The following TRMT2A variants were observed in gnomAD, a reference collection of about 807,000 sequenced individuals.
TRMT2A encodes tRNA (uracil-5-)-methyltransferase homolog A.
TRMT2A carries 60 observed loss-of-function variants against 59.3 expected under a neutral mutation model. That is an observed-to-expected ratio of 1.01 (90% CI 0.82 to 1.26). TRMT2A has a LOEUF of 1.26. TRMT2A is among the 50% of genes most tolerant of loss of function. The pLI, the probability that TRMT2A is intolerant of heterozygous loss-of-function variation, is 0.00. For missense variants in TRMT2A, 863 were observed against 845.2 expected (o/e 1.02, Z -0.26); for synonymous variants, 403 against 353.7 (o/e 1.14, Z -1.56).
intron 9 of TRMT2A, 48 bp downstream of exon 9, chr22:20,113,384 G>A (rs774458629): frequency 2.5e-5 from 39 of 1,575,616 alleles, no homozygotes; most frequent in Middle Eastern, 1.7e-4. Flanking sequence ...TGCAGCAGGG[G>A]TGGCGGCTGC....
intron 2 of TRMT2A, 77 bp from the exon 3 acceptor site, chr22:20,115,857 G>A: frequency 6.8e-7 from 1 of 1,471,720 alleles, no homozygotes; most frequent in Non-Finnish European, 9.2e-7. Flanking sequence ...CAAATGTCCA[G>A]GCTCCTGACC....
In TRMT2A at chr22:20,113,437, T is replaced by C; in HGVS notation, c.1427A>G (p.Asp476Gly). ...CCCACGGCCTTGCCACTCACCATTG[T>C]CCTGGGCGTTCACCCGGGCGTCCTC... ...AVEDARVNAQ[D>G]NELSNVEFHC... Residue 476 changes from aspartate to glycine, a missense_variant, in exon 9 of 12, where the codon GAC (aspartate) becomes GGC (glycine). By Grantham distance (94) the Asp-to-Gly change is moderately conservative (BLOSUM62 -1). Transcript: ENST00000252136. 1 of 1,609,806 alleles carries C rather than the reference T, an allele frequency of 6.2e-7. No individual in the cohort carries two copies. The highest frequency in any genetic ancestry group is 8.5e-7 in the Non-Finnish European group (1 of 1,177,638).
Position 20,112,487 on chromosome 22 carries a change from G to C in TRMT2A, c.*76C>G. ...TGGCTGCCTACCTCTGAATATCCTG[G>C]CCAGCAAGCCATGCCTTCCCCGCCC... On this transcript the variant is annotated 3_prime_UTR_variant, in exon 12 of 12. Coordinates refer to ENST00000252136, the MANE Select transcript of TRMT2A (RefSeq NM_022727.6). The C allele has an allele frequency of 1.3e-6, 2 of 1,511,156 alleles. No individual in the cohort carries two copies. The highest frequency in any genetic ancestry group is 1.8e-6 in the Non-Finnish European group (2 of 1,123,912). 93.6% of individuals were successfully genotyped at this position (1,511,156 alleles called of 1,614,324 possible).
chr22:20,113,400 T>TGCCCCCCCCCCCCCCCCCCCCTGCC, intron 9 of TRMT2A, 32 bp downstream of exon 9: 1 of 1,049,436 alleles, frequency 9.5e-7, no homozygotes, highest in Non-Finnish European at 1.4e-6. Context: ...GCTGCCCCCA[T>TGCCCCCCCCCCCCCCCCCCCCTGCC]CCCCACCCCC....
rs9605066 is a variant in TRMT2A at position 20,112,131 on chromosome 22, C to T, written c.*432G>A. 0.13 allele frequency: 23,192 copies of T among 174,868 alleles called. 1,998 individuals carry two copies. Among genetic ancestry groups the T allele is most frequent in the Non-Finnish European group, 0.18 (14,904 of 82,660 alleles). The allele number at this position is 174,868 out of a possible 1,614,324, so 10.8% of individuals were successfully genotyped here. A position where few individuals can be genotyped will look rare whatever the true frequency, so the allele number is the denominator to read the frequency against. ...GGTGCAGTTCCCAGACCTCTCTCTG[C>T]CTCTCCTCAAGTTTAAGTATCAAAT... On this transcript the variant is annotated 3_prime_UTR_variant, in exon 12 of 12. Coordinates refer to ENST00000252136, the MANE Select transcript of TRMT2A (RefSeq NM_022727.6).
At chr22:20,116,777 C>T (rs2050038247) in intron 1 of TRMT2A, 106 bp downstream of exon 1, 2 of 1,466,290 alleles carry the variant, frequency 1.4e-6, no homozygotes, top group Non-Finnish European at 1.9e-6. Flanking sequence ...CTTTCCTCCC[C>T]TATCGCACCT....
At position 20,116,379 on chromosome 22, in the gene TRMT2A, G is replaced by A. The variant is rs755665864; in HGVS notation, c.258C>T (p.Phe86=). 1.2e-6 allele frequency: 2 copies of A among 1,612,186 alleles called. No homozygotes were observed. Among genetic ancestry groups the A allele is most frequent in the Non-Finnish European group, 1.7e-6 (2 of 1,179,274 alleles). ...GGCCCAGGAAGCGCCGGACGTCGCT[G>A]AAGCTGGCGTGGCGAGGCACGTTCT... The part of the protein sequence containing the change: ...ELQNVPRHAS[F]SDVRRFLGRF... Residue 86 remains phenylalanine (F), a synonymous_variant, in exon 2 of 12, where the codon TTC becomes TTT. Transcript: ENST00000252136.
At chr22:20,115,826 G>T in intron 2 of TRMT2A, 46 bp from the exon 3 acceptor site, 1 of 1,555,926 alleles carries the variant, frequency 6.4e-7, no homozygotes, top group South Asian at 1.2e-5. Flanking sequence ...TACTGCCCCC[G>T]ACCCATGCCA....
At position 20,116,568 on chromosome 22, in the gene TRMT2A, G is replaced by A. The variant is rs757744530; in HGVS notation, c.69C>T (p.Ala23=). 8 of 1,577,496 alleles carry A rather than the reference G, an allele frequency of 5.1e-6. No individual in the cohort carries two copies. The African/African-American group carries it at 9.5e-5, about 19-fold the overall frequency. ...MESCGQESSS[A]LSCPTVSVPP... is the part of the protein sequence containing the mutation. Reference sequence around the variant, plus strand: ...GCACCGAGACGGTAGGGCAGCTCAGGGCACTGCTGCTCTCCTGGCCACAGC... The same window carrying A: ...GCACCGAGACGGTAGGGCAGCTCAGAGCACTGCTGCTCTCCTGGCCACAGC... The change falls in exon 2 of 12, where the codon GCC becomes GCT. Residue 23 remains alanine, a synonymous_variant. Coordinates refer to ENST00000252136, the MANE Select transcript of TRMT2A (RefSeq NM_022727.6).
Position 20,116,255 on chromosome 22 carries a change from C to G in TRMT2A, c.382G>C (p.Val128Leu). ...CCTTTCCAGAGGGCACCATGCAAAA[C>G]GCGCAGGGCCTTGTCCCTCTCTGCA... ...SAAERDKALR[V>L]LHGALWKGRP... The change falls in exon 2 of 12, where the codon GTT becomes CTT. Residue 128 changes from valine to leucine, a missense_variant. Coordinates refer to ENST00000252136, the MANE Select transcript of TRMT2A (RefSeq NM_022727.6). 1 of 1,612,978 alleles carries G rather than the reference C, an allele frequency of 6.2e-7. No homozygotes were observed. The highest frequency in any genetic ancestry group is 8.5e-7 in the Non-Finnish European group (1 of 1,180,022).
At chr22:20,115,863 T>A in intron 2 of TRMT2A, 83 bp from the exon 3 acceptor site, 3 of 1,440,410 alleles carry the variant, frequency 2.1e-6, no homozygotes, top group Non-Finnish European at 2.8e-6. Flanking sequence ...TCCAGGCTCC[T>A]GACCCCTCCT....
chr22:20,116,812 C>A, intron 1 of TRMT2A, 71 bp downstream of exon 1: 1 of 1,472,582 alleles, frequency 6.8e-7, no homozygotes, highest in Non-Finnish European at 9.3e-7. Flanking sequence ...TATTCTCTGG[C>A]AGGTTTCCTG....
chr22:20,112,638 G>A lies in TRMT2A; in HGVS notation c.1803C>T (p.His601=). 2 of 1,614,094 alleles carry A rather than the reference G, an allele frequency of 1.2e-6. No homozygotes were observed. The highest frequency in any genetic ancestry group is 2.2e-5 in the South Asian group (2 of 91,088). The change falls in exon 12 of 12, where the codon CAC becomes CAT. Residue 601 remains histidine, a synonymous_variant. Transcript: ENST00000252136. ...HPNGTGVLGP[H]SPPAQPTPGP... Reference sequence around the variant, plus strand: ...CTGGTGTGGGTTGAGCTGGAGGGCTGTGGGGCCCCAAGACCCCTGTGCCAT... The same window carrying A: ...CTGGTGTGGGTTGAGCTGGAGGGCTATGGGGCCCCAAGACCCCTGTGCCAT...
chr22:20,116,533 G>T lies in TRMT2A; in HGVS notation c.104C>A (p.Ala35Asp). The stretch of plus-strand genomic sequence containing the variant: ...CTCCACCTCCTCCAGGGCTGCCGGG[G>T]CTGCAGGGGGCACCGAGACGGTAGG... Reference protein sequence around the residue: ...SCPTVSVPPAAPAALEEVEKE... With the variant: ...SCPTVSVPPADPAALEEVEKE... Residue 35 changes from alanine (A) to aspartate (D), a missense_variant, in exon 2 of 12, where the codon GCC becomes GAC. Coordinates refer to ENST00000252136, the MANE Select transcript of TRMT2A (RefSeq NM_022727.6). 6.2e-7 allele frequency: 1 copy of T among 1,603,702 alleles called. No individual in the cohort carries two copies.
chr22:20,113,073 T>A lies in TRMT2A; in HGVS notation c.1549+45A>T, dbSNP rs1633445. 13 of 1,611,212 alleles carry A rather than the reference T, an allele frequency of 8.1e-6. No individual in the cohort carries two copies. The South Asian group carries it at 9.9e-5, about 12-fold the overall frequency. On this transcript the variant is annotated intron_variant, in intron 10 of 11. Coordinates refer to ENST00000252136, the MANE Select transcript of TRMT2A (RefSeq NM_022727.6). ...GTGCATAACATGGTGAGCCACCCCA[T>A]GTGTCCTCGTTCCCGTGCCACCTCC...
rs758065244 is a variant in TRMT2A, at chr22:20,115,251, G to C, written c.890+15C>G. On this transcript the variant is annotated intron_variant, in intron 4 of 11. Transcript: ENST00000252136. ...CCGCATAGGACTTCCCGGGAGCCCC[G>C]TCACAGGTCCTCACCGGATGAACTC... The C allele has an allele frequency of 1.2e-6, 2 of 1,604,058 alleles. No individual in the cohort carries two copies. Among genetic ancestry groups the C allele is most frequent in the Non-Finnish European group, 1.7e-6 (2 of 1,173,112 alleles).
chr22:20,116,699 C>A, intron 1 of TRMT2A, 87 bp from the exon 2 acceptor site: 1 of 1,465,268 alleles, frequency 6.8e-7, no homozygotes, highest in Non-Finnish European at 9.1e-7. Flanking sequence ...ACCCAGACCT[C>A]CGTCGGTGCA....
intron 8 of TRMT2A, 42 bp downstream of exon 8, chr22:20,113,644 G>A (rs768179902): frequency 6.3e-7 from 1 of 1,591,406 alleles, no homozygotes; most frequent in Admixed American, 1.7e-5. Flanking sequence ...TGGGGGTCTT[G>A]GGGTGGGGAG....
Position 20,112,735 on chromosome 22 carries a change from A to G in TRMT2A, c.1706T>C (p.Val569Ala). The G allele has an allele frequency of 6.2e-7, 1 of 1,613,902 alleles. No homozygotes were observed. The highest frequency in any genetic ancestry group is 8.5e-7 in the Non-Finnish European group (1 of 1,180,030). Reference sequence around the variant, plus strand: ...GGTCTGCGGGAACAGGTCCACTGCCACAGCCTTGACCGGCCGGAAGGGAAT... The same window carrying G: ...GGTCTGCGGGAACAGGTCCACTGCCGCAGCCTTGACCGGCCGGAAGGGAAT... Reference protein sequence around the residue: ...KGIPFRPVKAVAVDLFPQTPH... With the variant: ...KGIPFRPVKAAAVDLFPQTPH... Residue 569 changes from valine (V) to alanine (A), a missense_variant, in exon 12 of 12, where the codon GTG becomes GCG. Physicochemically the swap from Val to Ala is moderately conservative, Grantham distance 64. Transcript: ENST00000252136.
Sources: gnomAD v4.1 joint callset for allele counts on GRCh38, gnomAD v4.1.1 for gene constraint, MANE v1.5 for transcripts, NCBI Gene and HGNC (gene_info 2026-07-23, HGNC 2026-07-21) for gene names.